Variants in ARHGEF37 observed in about 807,000 individuals in gnomAD.
ARHGEF37 encodes Rho guanine nucleotide exchange factor (GEF) 37.
Under a neutral mutation model 71.1 loss-of-function variants are expected in ARHGEF37, and 55 were observed. The observed-to-expected ratio is 0.77, with a 90% CI of 0.62 to 0.97. The LOEUF is 0.97. Ranked by LOEUF, ARHGEF37 falls within the 50% of genes least tolerant of loss-of-function variation. The pLI is 0.00. For synonymous variants in ARHGEF37, 327 were observed against 350.6 expected (o/e 0.93, Z 0.75); for missense variants, 765 against 836.8 (o/e 0.91, Z 1.06).
chr5:149,597,888 ACACTGAGGTCTC>A lies in ARHGEF37; in HGVS notation c.121_132del (p.Thr41_Ser44del). ...AGGCTGGCTGTCCGGGAGCTCATCG[ACACTGAGGTCTC>A]CTACTTGCACATGCTCCAGCTCTGT... On this transcript the variant is annotated inframe_deletion, in exon 2 of 13. Transcript: ENST00000333677. 1 of 1,609,784 alleles carries A rather than the reference ACACTGAGGTCTC, an allele frequency of 6.2e-7. No homozygotes were observed. The highest frequency in any genetic ancestry group is 8.5e-7 in the Non-Finnish European group (1 of 1,178,166).
chr5:149,603,114 G>A lies in ARHGEF37; in HGVS notation c.310+1883G>A, dbSNP rs188008564. ...CACCCGGTTAATTTTTGTATTTTTAGTAGAGATAGGGTTTCACCATGTTGG... is the reference window on the plus strand; with the variant it reads ...CACCCGGTTAATTTTTGTATTTTTAATAGAGATAGGGTTTCACCATGTTGG... On this transcript the variant is annotated intron_variant, in intron 3 of 12. Transcript: ENST00000333677. Among the ~76,000 whole-genome samples, 807 of 152,058 alleles carry A rather than the reference G, an allele frequency of 5.3e-3. 12 individuals are homozygous for A. Among genetic ancestry groups the A allele is most frequent in the African/African-American group, 0.018 (753 of 41,492 alleles).
chr5:149,624,255 C>G, intron 10 of ARHGEF37, 115 bp downstream of exon 10: 2 of 1,370,902 alleles, frequency 1.5e-6, no homozygotes, highest in Non-Finnish European at 9.8e-7. Flanking sequence ...TTCCTGTTAT[C>G]CATGGAAATA....
At chr5:149,604,456 C>G (rs1441304609) in intron 3 of ARHGEF37, among the ~76,000 whole-genome samples, 2 of 152,120 alleles carry the variant, frequency 1.3e-5, no homozygotes, top group East Asian at 3.9e-4. Flanking sequence ...GTCCTGTTCC[C>G]TGGCCTTTAC....
chr5:149,576,004 G>A (rs1763024939), intron 1 of ARHGEF37, among the ~76,000 whole-genome samples: 1 of 152,130 alleles, frequency 6.6e-6, no homozygotes. Flanking sequence ...CCAGCACTTT[G>A]GGAGGCCGAG....
intron 2 of ARHGEF37, among the ~76,000 whole-genome samples, chr5:149,598,439 CCTTCCTCTTCTTTCTT>C (rs1299358479): frequency 5.4e-5 from 8 of 147,578 alleles, no homozygotes; most frequent in Non-Finnish European, 9.0e-5. Flanking sequence ...TCCTTCTTCT[CCTTCCTCTTCTTTCTT>C]CTTCCTCTTC....
At chr5:149,577,591 T>C (rs1221583149), upstream of ARHGEF37, among the ~76,000 whole-genome samples, 1 of 152,236 alleles carries the variant, frequency 6.6e-6, no homozygotes, top group East Asian at 1.9e-4. Flanking sequence ...GCTAAACTTA[T>C]AAAAGGTTGA....
rs1409793140 is a variant in ARHGEF37, at chr5:149,601,097, G to T, written c.187-11G>T. 1.9e-6 allele frequency: 3 copies of T among 1,608,554 alleles called. No individual in the cohort carries two copies. The highest frequency in any genetic ancestry group is 3.3e-5 in the Admixed American group (2 of 59,876). ...CCCAACCACCTCTCATGGCTTCTTT[G>T]TTCCTTCCAGTTGCCGCAGGGAGAT... On this transcript the variant is annotated splice_polypyrimidine_tract_variant and intron_variant, in intron 2 of 12. Coordinates refer to ENST00000333677, the MANE Select transcript of ARHGEF37 (RefSeq NM_001001669.3).
intron 1 of ARHGEF37, among the ~76,000 whole-genome samples, chr5:149,589,282 T>G (rs1763327309): frequency 6.6e-6 from 1 of 152,150 alleles, no homozygotes; most frequent in Admixed American, 6.6e-5. Flanking sequence ...CATATCATTT[T>G]TTAAAAGTTT....
At chr5:149,553,203 A>G (rs901671679) in intron 1 of ARHGEF37, among the ~76,000 whole-genome samples, 14 of 152,152 alleles carry the variant, frequency 9.2e-5, no homozygotes, top group African/African-American at 2.9e-4. Flanking sequence ...GTTCGAGACC[A>G]TTCTGGCCAA....
rs144154578 is a variant in ARHGEF37, at chr5:149,584,648, C to T, written c.-12+3024C>T. 3.0e-4 allele frequency among the ~76,000 whole-genome samples: 45 copies of T among 151,724 alleles called. No homozygotes were observed. In the East Asian group the frequency reaches 7.9e-3, roughly 27 times the overall value. On this transcript the variant is annotated intron_variant, in intron 1 of 12. Transcript: ENST00000333677. ...CTCTTGAGATGGAGTCTCGCTCTGT[C>T]GCCCAGGCTGGAGTGCAATGGCATG...
Position 149,597,859 on chromosome 5 carries a change from T to C in ARHGEF37, c.90T>C (p.His30=). 6.2e-7 allele frequency: 1 copy of C among 1,610,304 alleles called. No homozygotes were observed. The highest frequency in any genetic ancestry group is 8.5e-7 in the Non-Finnish European group (1 of 1,178,422). The part of the protein sequence containing the change: ...GRASEDRSLL[H]QRLAVRELID... ...CCTCTGAGGACAGATCGCTGCTTCA[T>C]CAGAGGCTGGCTGTCCGGGAGCTCA... is the stretch of plus-strand genomic sequence containing the variant. Residue 30 remains histidine (H), a synonymous_variant, in exon 2 of 13, where the codon CAT becomes CAC. Coordinates refer to ENST00000333677, the MANE Select transcript of ARHGEF37 (RefSeq NM_001001669.3).
At chr5:149,596,061 C>G (rs566152320) in intron 1 of ARHGEF37, among the ~76,000 whole-genome samples, 2 of 151,862 alleles carry the variant, frequency 1.3e-5, no homozygotes, top group East Asian at 1.9e-4. Flanking sequence ...GCCCAAGTCT[C>G]TGGTTCACTG....
At chr5:149,616,132 A>C (rs1413746582) in intron 4 of ARHGEF37, among the ~76,000 whole-genome samples, 1 of 152,130 alleles carries the variant, frequency 6.6e-6, no homozygotes, top group African/African-American at 2.4e-5. Context: ...ACTAAGAGAA[A>C]GTGGAGAGAG....
chr5:149,568,811 C>CA (rs748620450), intron 1 of ARHGEF37, among the ~76,000 whole-genome samples: 2,147 of 56,598 alleles, frequency 0.038, 35 homozygotes, highest in African/African-American at 0.049. Context: ...GACTCCATCT[C>CA]AAAAAAAAAA....
chr5:149,627,346 C>A, intron 11 of ARHGEF37, 75 bp downstream of exon 11: 2 of 1,507,858 alleles, frequency 1.3e-6, no homozygotes, highest in Non-Finnish European at 1.8e-6. Context: ...GAGACCCGGG[C>A]ACTCTTGTGG....
At chr5:149,616,827 T>C in intron 5 of ARHGEF37, 61 bp downstream of exon 5, 1 of 1,481,370 alleles carries the variant, frequency 6.8e-7, no homozygotes, top group South Asian at 1.3e-5. Context: ...ACAGAAAATT[T>C]ATCTAAAATC....
intron 4 of ARHGEF37, among the ~76,000 whole-genome samples, chr5:149,610,473 A>T (rs1408045502): frequency 1.3e-5 from 2 of 152,316 alleles, no homozygotes; most frequent in East Asian, 3.9e-4. Flanking sequence ...ACTTTAAAAC[A>T]TCAAAATTTT....
intron 1 of ARHGEF37, among the ~76,000 whole-genome samples, chr5:149,584,356 C>A (rs1246360551): frequency 1.5e-5 from 2 of 134,150 alleles, no homozygotes; most frequent in Non-Finnish European, 3.1e-5. Context: ...GGAGTTTTTC[C>A]TCCAGGAAAG....
intron 9 of ARHGEF37, 79 bp from the exon 10 acceptor site, chr5:149,623,933 T>G: frequency 6.7e-7 from 1 of 1,498,124 alleles, no homozygotes; most frequent in Admixed American, 2.1e-5. Flanking sequence ...GGGTTGAAAA[T>G]AATATAAACC....
Sources: gnomAD v4.1 joint callset for allele counts (sites outside exome capture counted in the v4.1 genomes callset) on GRCh38, gnomAD v4.1.1 for gene constraint, MANE v1.5 for transcripts, NCBI Gene and HGNC (gene_info 2026-07-23, HGNC 2026-07-21) for gene names.